The following RNF220 variants were observed in gnomAD, a reference collection of about 807,000 sequenced individuals.
The protein encoded by RNF220 is E3 ubiquitin-protein ligase RNF220.
In RNF220, 7 loss-of-function variants were observed where a neutral mutation model predicts 67.1. That is an observed-to-expected ratio of 0.10 (90% CI 0.06 to 0.20). The LOEUF (loss-of-function observed/expected upper bound fraction) is 0.20. Ranked by LOEUF, RNF220 falls within the 10% of genes least tolerant of loss-of-function variation. The pLI is 1.00. For missense variants in RNF220, 565 were observed against 740.3 expected (o/e 0.76, Z 2.75); for synonymous variants, 270 against 283.2 (o/e 0.95, Z 0.47).
chr1:44,650,208 G>A lies in RNF220; in HGVS notation c.1629+251G>A. The A allele has an allele frequency of 1.7e-6, 1 of 576,244 alleles. No homozygotes were observed. The highest frequency in any genetic ancestry group is 3.1e-6 in the Non-Finnish European group (1 of 323,010). The allele number at this position is 576,244 out of a possible 1,614,324, so 35.7% of individuals were successfully genotyped here. ...TCCCTTCCCCGCCCCGGTCCCCGAA[G>A]GCCCACTGCATCACACAGACTGGTG... On this transcript the variant is annotated intron_variant, in intron 14 of 14. Coordinates refer to ENST00000361799, the MANE Select transcript of RNF220 (RefSeq NM_018150.4). This position sits in a 1 kb window ranked among gnomAD's most constrained non-coding sequence, Gnocchi z 4.3.
intron 2 of RNF220, among the ~76,000 whole-genome samples, chr1:44,432,589 A>T (rs1203241464): frequency 7.0e-6 from 1 of 142,842 alleles, no homozygotes; most frequent in Non-Finnish European, 1.5e-5. Flanking sequence ...GTTTAGAAGC[A>T]GGGTCTTGCT....
At chr1:44,614,915 A>G (rs1374303337) in intron 3 of RNF220, among the ~76,000 whole-genome samples, 1 of 152,174 alleles carries the variant, frequency 6.6e-6, no homozygotes, top group East Asian at 1.9e-4. Context: ...TAAAGCAACC[A>G]TTTCATTGTG....
In RNF220 at chr1:44,600,638, C is replaced by T. The variant is rs542511833; in HGVS notation, c.626-13527C>T. Among the ~76,000 whole-genome samples the T allele has an allele frequency of 2.6e-5, 4 of 152,142 alleles. No individual in the cohort carries two copies. The East Asian group carries it at 5.8e-4, about 22-fold the overall frequency. On this transcript the variant is annotated intron_variant, in intron 2 of 14. Transcript: ENST00000361799. The surrounding 1 kb of genome is among the most constrained non-coding windows in gnomAD (Gnocchi z 4.0). The stretch of plus-strand genomic sequence containing the variant: ...GAGTTGGAGACCAGCCTGGCCAACA[C>T]GATGAAACTCCGTCTCTATTAAAAA...
At chr1:44,520,122 T>TGA (rs1296792228) in intron 2 of RNF220, among the ~76,000 whole-genome samples, 7 of 142,824 alleles carry the variant, frequency 4.9e-5, no homozygotes, top group African/African-American at 1.9e-4. Context: ...TGTGTGTGTG[T>TGA]GTGTGTGAGA....
chr1:44,461,895 A>G (rs537101147), intron 2 of RNF220, among the ~76,000 whole-genome samples: 1 of 147,606 alleles, frequency 6.8e-6, no homozygotes, highest in South Asian at 2.2e-4. Context: ...TTGTAAATGT[A>G]TCATATTTTT....
chr1:44,462,574 G>A (rs1044058630), intron 2 of RNF220, among the ~76,000 whole-genome samples: 1 of 152,144 alleles, frequency 6.6e-6, no homozygotes. Context: ...GTACTAGTAA[G>A]GGGTTTTGAA....
At chr1:44,588,250 G>A (rs1665850483) in intron 2 of RNF220, among the ~76,000 whole-genome samples, 1 of 152,204 alleles carries the variant, frequency 6.6e-6, no homozygotes, top group African/African-American at 2.4e-5. Context: ...AGCTCCCATG[G>A]AGGCTCGCTG....
chr1:44,604,745 T>C (rs914533456), intron 2 of RNF220, among the ~76,000 whole-genome samples: 1 of 152,218 alleles, frequency 6.6e-6, no homozygotes, highest in Non-Finnish European at 1.5e-5. Flanking sequence ...GCACCTTCTA[T>C]TGCTAGAGAT....
At chr1:44,531,914 G>C (rs1041519638) in intron 2 of RNF220, among the ~76,000 whole-genome samples, 2 of 152,160 alleles carry the variant, frequency 1.3e-5, no homozygotes, top group African/African-American at 4.8e-5. Context: ...GCTCATAGGG[G>C]ACATACAAGA....
intron 2 of RNF220, among the ~76,000 whole-genome samples, chr1:44,463,952 G>A (rs1002420690): frequency 2.0e-5 from 3 of 152,188 alleles, no homozygotes; most frequent in African/African-American, 7.2e-5. Flanking sequence ...GGTCACATGT[G>A]TGCAGAATTC....
chr1:44,649,872 C>T lies in RNF220; in HGVS notation c.1555-11C>T. The T allele has an allele frequency of 1.2e-6, 2 of 1,614,020 alleles. No individual in the cohort carries two copies. Among genetic ancestry groups the T allele is most frequent in the Non-Finnish European group, 1.7e-6 (2 of 1,179,950 alleles). ...CTCAGAGTGACCCCTTCTCTGCCCC[C>T]TCCTCCCTAGGACTCGTACTCGATG... On this transcript the variant is annotated splice_polypyrimidine_tract_variant and intron_variant, in intron 13 of 14. Transcript: ENST00000361799. The surrounding 1 kb of genome is among the most constrained non-coding windows in gnomAD (Gnocchi z 5.9).
chr1:44,405,397 C>CT lies in RNF220; in HGVS notation c.-251_-250insT. 1.1e-5 allele frequency: 6 copies of CT among 561,270 alleles called. No individual in the cohort carries two copies. The highest frequency in any genetic ancestry group is 9.9e-6 in the Non-Finnish European group (3 of 304,180). The allele number at this position is 561,270 out of a possible 1,614,324, so 34.8% of individuals were successfully genotyped here. A position where few individuals can be genotyped will look rare whatever the true frequency, so the allele number is the denominator to read the frequency against. On this transcript the variant is annotated 5_prime_UTR_variant, in exon 1 of 15. The change creates a premature stop within an existing upstream ORF in the 5' untranslated region. Transcript: ENST00000361799. The stretch of plus-strand genomic sequence containing the variant: ...CGCCTACTGCTGCTGCTGCTGCTGC[C>CT]GCTGCCGCCGCCGCCGCCGCCGCTG...
intron 2 of RNF220, among the ~76,000 whole-genome samples, chr1:44,558,173 A>G (rs527430306): frequency 6.6e-6 from 1 of 152,350 alleles, no homozygotes. Context: ...TGTTCATCAC[A>G]AAAGGCATTG....
At chr1:44,468,784 A>T (rs1353656232) in intron 2 of RNF220, among the ~76,000 whole-genome samples, 1 of 151,958 alleles carries the variant, frequency 6.6e-6, no homozygotes, top group Non-Finnish European at 1.5e-5. Flanking sequence ...GGGCATGGTG[A>T]TGCACACCTG....
intron 2 of RNF220, among the ~76,000 whole-genome samples, chr1:44,459,870 A>T (rs1258177102): frequency 6.6e-6 from 1 of 152,218 alleles, no homozygotes; most frequent in Non-Finnish European, 1.5e-5. Flanking sequence ...CTCAATGCAT[A>T]CTTGCTAACT....
chr1:44,495,999 T>C (rs1414078694), intron 2 of RNF220, among the ~76,000 whole-genome samples: 2 of 152,202 alleles, frequency 1.3e-5, no homozygotes, highest in African/African-American at 4.8e-5. Context: ...GCAGGGCTTT[T>C]ATATATATGC....
intron 2 of RNF220, among the ~76,000 whole-genome samples, chr1:44,425,493 C>T (rs1649668617): frequency 6.6e-6 from 1 of 152,088 alleles, no homozygotes; most frequent in Non-Finnish European, 1.5e-5. Flanking sequence ...TCTGAAGGGC[C>T]ACACAGGATC....
intron 2 of RNF220, among the ~76,000 whole-genome samples, chr1:44,566,584 G>A (rs1356405195): frequency 6.6e-6 from 1 of 152,198 alleles, no homozygotes; most frequent in African/African-American, 2.4e-5. Context: ...AAAGGGGGAT[G>A]GAAGTCTGAG....
At chr1:44,415,504 T>C (rs957770145) in intron 2 of RNF220, among the ~76,000 whole-genome samples, 5 of 150,856 alleles carry the variant, frequency 3.3e-5, no homozygotes, top group African/African-American at 1.2e-4. Context: ...ATGGTTGATA[T>C]ACACACACAC....
Sources: allele counts gnomAD v4.1 joint callset (sites outside exome capture counted in the v4.1 genomes callset), GRCh38; gene constraint gnomAD v4.1.1; non-coding constraint Gnocchi (gnomAD v3.1); transcripts MANE v1.5; gene names NCBI Gene and HGNC (gene_info 2026-07-23, HGNC 2026-07-21).